LTV1: variants seen among roughly 807,000 people sequenced by gnomAD.
The protein encoded by LTV1 is protein LTV1 homolog.
Under a neutral mutation model 59.9 loss-of-function variants are expected in LTV1, and 39 were observed. The ratio of observed to expected loss-of-function variants is 0.65; its 90% CI spans 0.50 to 0.85. The LOEUF (loss-of-function observed/expected upper bound fraction) is 0.85, where lower values mean the gene tolerates loss of function less well. LTV1 is among the 40% of genes least tolerant of loss of function. The probability of loss-of-function intolerance (pLI) is 0.00; values close to 1 mark genes in which losing one functional copy is unlikely to be tolerated. For synonymous variants in LTV1, 171 were observed against 189.5 expected (o/e 0.90, Z 0.80); for missense variants, 493 against 549.1 (o/e 0.90, Z 1.02).
At chr6:143,845,397 C>T (rs764705971) in intron 2 of LTV1, among the ~76,000 whole-genome samples, 1 of 152,092 alleles carries the variant, frequency 6.6e-6, no homozygotes, top group South Asian at 2.1e-4. Flanking sequence ...CCTTTCAAGG[C>T]GCCCAAATCT....
intron 2 of LTV1, among the ~76,000 whole-genome samples, chr6:143,845,742 C>T (rs952783296): frequency 3.3e-5 from 5 of 152,186 alleles, no homozygotes; most frequent in African/African-American, 1.2e-4. Flanking sequence ...TGTTTCTTGA[C>T]TCAAAATGTT....
chr6:143,848,866 G>A (rs1299804163), intron 3 of LTV1, among the ~76,000 whole-genome samples: 3 of 152,198 alleles, frequency 2.0e-5, no homozygotes, highest in African/African-American at 4.8e-5. Flanking sequence ...TCAGGCTGCC[G>A]AGACAGTGAG....
Position 143,855,174 on chromosome 6 carries a change from TG to T in LTV1, c.398-2128del, listed in dbSNP as rs558669841. Among the ~76,000 whole-genome samples the T allele has an allele frequency of 3.3e-5, 5 of 152,356 alleles. No individual in the cohort carries two copies. In the South Asian group the frequency reaches 1.0e-3, roughly 32 times the overall value. On this transcript the variant is annotated intron_variant, in intron 4 of 10. Coordinates refer to ENST00000367576, the MANE Select transcript of LTV1 (RefSeq NM_032860.5). This position sits in a 1 kb window ranked among gnomAD's most constrained non-coding sequence, Gnocchi z 4.6. Reference sequence around the variant, plus strand: ...ATTTAGGGTAGTTAGCTCTTCTTGTTGCATTGTTCCCTTTACTATTATGTAA... The same window carrying T: ...ATTTAGGGTAGTTAGCTCTTCTTGTTCATTGTTCCCTTTACTATTATGTAA...
chr6:143,853,423 A>T (rs951321295), intron 4 of LTV1, among the ~76,000 whole-genome samples: 1 of 152,196 alleles, frequency 6.6e-6, no homozygotes, highest in Non-Finnish European at 1.5e-5. Flanking sequence ...AACAGAGACA[A>T]TTTGACTTCC....
chr6:143,861,399 C>T (rs1777161891), intron 7 of LTV1, among the ~76,000 whole-genome samples: 1 of 150,596 alleles, frequency 6.6e-6, no homozygotes, highest in South Asian at 2.1e-4. Context: ...AGCACCACTG[C>T]TTCCAGCCTG....
Position 143,857,364 on chromosome 6 carries a change from T to C in LTV1, c.459T>C (p.Asp153=), listed in dbSNP as rs905795903. Residue 153 remains aspartate (D), a synonymous_variant, in exon 5 of 11, where the codon GAT becomes GAC. Transcript: ENST00000367576. The surrounding 1 kb of genome is among the most constrained non-coding windows in gnomAD (Gnocchi z 5.2). The stretch of plus-strand genomic sequence containing the variant: ...CTCTTGATGATGATTTTGACTTTGA[T>C]GATCCAGATAATCTGCTTGAGGATG... ...VAALDDDFDF[D]DPDNLLEDDF... The C allele has an allele frequency of 4.3e-6, 7 of 1,614,040 alleles. No individual in the cohort carries two copies. The highest frequency in any genetic ancestry group is 1.3e-5 in the African/African-American group (1 of 74,934).
intron 4 of LTV1, among the ~76,000 whole-genome samples, chr6:143,850,883 A>G (rs1051362786): frequency 6.6e-6 from 1 of 152,260 alleles, no homozygotes; most frequent in African/African-American, 2.4e-5. Flanking sequence ...AAAATAAACA[A>G]TAAATGATAA....
In LTV1 at chr6:143,846,139, C is replaced by A; in HGVS notation, c.224C>A (p.Pro75Gln). ...GACTACCTGCAGCACCTGAAGGAAC[C>A]ATCTGGGCCTTCAGAGCTTATTCCC... ...DYDYLQHLKEPSGPSELIPSS... is the reference protein window; with the variant it reads ...DYDYLQHLKEQSGPSELIPSS... Residue 75 changes from proline (P) to glutamine (Q), a missense_variant, in exon 3 of 11, where the codon CCA becomes CAA. Physicochemically the swap from Pro to Gln is moderately conservative, Grantham distance 76. Transcript: ENST00000367576. 1 of 1,613,934 alleles carries A rather than the reference C, an allele frequency of 6.2e-7. No homozygotes were observed. Among genetic ancestry groups the A allele is most frequent in the African/African-American group, 1.3e-5 (1 of 75,046 alleles).
At chr6:143,851,394 A>T (rs1776981447) in intron 4 of LTV1, among the ~76,000 whole-genome samples, 1 of 150,036 alleles carries the variant, frequency 6.7e-6, no homozygotes, top group Non-Finnish European at 1.5e-5. Flanking sequence ...GTCAGAAAAT[A>T]CTGAAAGTAT....
intron 4 of LTV1, among the ~76,000 whole-genome samples, chr6:143,852,360 T>C (rs1281447207): frequency 6.6e-6 from 1 of 152,260 alleles, no homozygotes; most frequent in Admixed American, 6.5e-5. Flanking sequence ...GTTGGCTGCA[T>C]AAATGTCTTC....
chr6:143,843,829 C>T (rs1242389205), intron 1 of LTV1, among the ~76,000 whole-genome samples: 1 of 152,214 alleles, frequency 6.6e-6, no homozygotes, highest in Non-Finnish European at 1.5e-5. Context: ...AGCTGCTGGT[C>T]TCCCTCAGCG....
At position 143,862,122 on chromosome 6, in the gene LTV1, C is replaced by T. The variant is rs368652062; in HGVS notation, c.942C>T (p.Thr314=). The T allele has an allele frequency of 3.1e-6, 5 of 1,613,514 alleles. No individual in the cohort carries two copies. The highest frequency in any genetic ancestry group is 3.4e-6 in the Non-Finnish European group (4 of 1,179,790). The change falls in exon 8 of 11, where the codon ACC becomes ACT. Residue 314 remains threonine, a synonymous_variant. Transcript: ENST00000367576. This position sits in a 1 kb window ranked among gnomAD's most constrained non-coding sequence, Gnocchi z 4.2. ...EKAENCVKLN[T]LEPLEDQDLP... Reference sequence around the variant, plus strand: ...CTAAAAGTTGTGTAAAATTGAATACCCTTGAACCCTTGGAGGATCAAGACC... The same window carrying T: ...CTAAAAGTTGTGTAAAATTGAATACTCTTGAACCCTTGGAGGATCAAGACC...
In LTV1 at chr6:143,863,345, G is replaced by A; in HGVS notation, c.1317+59G>A. ...AGAGCTGGTGGAGGGGAAATTAGGG[G>A]AATTTTGTAAAAGCAGTCTGTATCA... On this transcript the variant is annotated intron_variant, in intron 10 of 10. Transcript: ENST00000367576. The surrounding 1 kb of genome is among the most constrained non-coding windows in gnomAD (Gnocchi z 4.5). The A allele has an allele frequency of 6.3e-7, 1 of 1,597,766 alleles. No individual in the cohort carries two copies. The highest frequency in any genetic ancestry group is 8.6e-7 in the Non-Finnish European group (1 of 1,167,952).
In LTV1 at chr6:143,855,828, G is replaced by A. The variant is rs1777066032; in HGVS notation, c.398-1475G>A. On this transcript the variant is annotated intron_variant, in intron 4 of 10. Transcript: ENST00000367576. The surrounding 1 kb of genome is among the most constrained non-coding windows in gnomAD (Gnocchi z 4.6). The stretch of plus-strand genomic sequence containing the variant: ...GAGAGATCCACTGTTAGTCTGATGG[G>A]CTTCTCTTTGTGGGTAACCCGACCT... 6.6e-6 allele frequency among the ~76,000 whole-genome samples: 1 copy of A among 152,168 alleles called. No homozygotes were observed. The highest frequency in any genetic ancestry group is 2.1e-4 in the South Asian group (1 of 4,836).
intron 4 of LTV1, among the ~76,000 whole-genome samples, chr6:143,853,368 C>A (rs1777017842): frequency 6.6e-6 from 1 of 152,136 alleles, no homozygotes; most frequent in South Asian, 2.1e-4. Context: ...AGATTTTGGG[C>A]TGAGATGATG....
At chr6:143,860,357 A>T in intron 6 of LTV1, 69 bp from the exon 7 acceptor site, 2 of 1,435,084 alleles carry the variant, frequency 1.4e-6, no homozygotes, top group Non-Finnish European at 1.9e-6. Flanking sequence ...ATGTAAAAAA[A>T]TTTTTAAGTG....
chr6:143,861,832 T>A (rs17073137), intron 7 of LTV1, among the ~76,000 whole-genome samples: 8,706 of 151,868 alleles, frequency 0.057, 286 homozygotes, highest in African/African-American at 0.085. Context: ...TTTTTTAGGC[T>A]TTAAAAACCT....
At position 143,858,238 on chromosome 6, in the gene LTV1, G is replaced by C. The variant is rs1212825022; in HGVS notation, c.795+231G>C. On this transcript the variant is annotated intron_variant, in intron 6 of 10. Coordinates refer to ENST00000367576, the MANE Select transcript of LTV1 (RefSeq NM_032860.5). ...GAGCATAGAACTGTGCAGAAGAAGA[G>C]TAATTGGTTAGGAGGATGTGACTTT... 6.2e-6 allele frequency: 3 copies of C among 487,446 alleles called. No individual in the cohort carries two copies. The East Asian group carries it at 1.0e-4, about 17-fold the overall frequency. The allele number at this position is 487,446 out of a possible 1,614,324, so 30.2% of individuals were successfully genotyped here. A position where few individuals can be genotyped will look rare whatever the true frequency, so the allele number is the denominator to read the frequency against.
chr6:143,854,415 G>T (rs1777040722), intron 4 of LTV1, among the ~76,000 whole-genome samples: 1 of 151,880 alleles, frequency 6.6e-6, no homozygotes, highest in African/African-American at 2.4e-5. Flanking sequence ...TGGATTCATT[G>T]GTTTTTTTGA....
Sources: gnomAD v4.1 joint callset for allele counts (sites outside exome capture counted in the v4.1 genomes callset) on GRCh38, gnomAD v4.1.1 for gene constraint, Gnocchi (gnomAD v3.1) non-coding constraint, MANE v1.5 for transcripts, NCBI Gene and HGNC (gene_info 2026-07-23, HGNC 2026-07-21) for gene names.